The following OSBPL5 variants were observed in gnomAD, a reference collection of about 807,000 sequenced individuals.
The protein encoded by OSBPL5 is oxysterol binding protein like 5.
In OSBPL5, 71 loss-of-function variants were observed where a neutral mutation model predicts 111.2. The observed-to-expected ratio is 0.64, with a 90% confidence interval of 0.53 to 0.78. OSBPL5 has a LOEUF of 0.78. OSBPL5 is among the 30% of genes least tolerant of loss of function. The pLI is 0.00. For missense variants in OSBPL5, 1,210 were observed against 1,189.3 expected, an observed-to-expected ratio of 1.02 and a Z score of -0.26; for synonymous variants, 549 against 513.9, an observed-to-expected ratio of 1.07 and a Z score of -0.93.
rs769383518 is a variant in OSBPL5 at position 3,142,607 on chromosome 11, C to A, written c.-21-13438G>T. Among the ~76,000 whole-genome samples, 5 of 152,236 alleles carry A rather than the reference C, an allele frequency of 3.3e-5. No individual in the cohort carries two copies. Among genetic ancestry groups the A allele is most frequent in the Non-Finnish European group, 7.3e-5 (5 of 68,048 alleles). ...CCTACAGGTCTGAGAGTCACCGTCT[C>A]GCGGGTGGAGAGCCTGGGTGGTGCG... On this transcript the variant is annotated intron_variant, in intron 1 of 21. Transcript: ENST00000263650. This position sits in a 1 kb window ranked among gnomAD's most constrained non-coding sequence, Gnocchi z 7.1.
intron 13 of OSBPL5, among the ~76,000 whole-genome samples, chr11:3,101,254 C>T (rs1857444903): frequency 1.6e-5 from 2 of 127,158 alleles, no homozygotes; most frequent in East Asian, 2.4e-4. Context: ...GGATTACAGG[C>T]GTGAGCCACC....
rs1296811171 is a variant in OSBPL5, at chr11:3,105,182, A to T, written c.1060-805T>A. Among the ~76,000 whole-genome samples, 2 of 152,180 alleles carry T rather than the reference A, an allele frequency of 1.3e-5. No homozygotes were observed. The highest frequency in any genetic ancestry group is 2.9e-5 in the Non-Finnish European group (2 of 68,022). On this transcript the variant is annotated intron_variant, in intron 9 of 21. Transcript: ENST00000263650. This position sits in a 1 kb window ranked among gnomAD's most constrained non-coding sequence, Gnocchi z 5.2. ...ACTTGTCCAAGGTCACACGGCTGCTATGCGGCAGAGGTCAGATCTGAACTC... is the reference window on the plus strand; with the variant it reads ...ACTTGTCCAAGGTCACACGGCTGCTTTGCGGCAGAGGTCAGATCTGAACTC...
intron 7 of OSBPL5, among the ~76,000 whole-genome samples, chr11:3,116,243 G>A (rs1858203883): frequency 6.6e-6 from 1 of 152,140 alleles, no homozygotes; most frequent in African/African-American, 2.4e-5. Flanking sequence ...TACATTATCA[G>A]TAATGATTAT....
rs1054406616 is a variant in OSBPL5, at chr11:3,109,703, A to G, written c.692-1758T>C. ...GCCAGAGCGGCCAAGCCTGGGCGGA[A>G]CACCAGGGTTGGGGGAGGGATGGCA... is the stretch of plus-strand genomic sequence containing the variant. On this transcript the variant is annotated intron_variant, in intron 7 of 21. Coordinates refer to ENST00000263650, the MANE Select transcript of OSBPL5 (RefSeq NM_020896.4). The surrounding 1 kb of genome is among the most constrained non-coding windows in gnomAD (Gnocchi z 7.4). Among the ~76,000 whole-genome samples, 25 of 151,942 alleles carry G rather than the reference A, an allele frequency of 1.6e-4. No homozygotes were observed. Among genetic ancestry groups the G allele is most frequent in the African/African-American group, 5.3e-4 (22 of 41,378 alleles).
rs1353844090 is a variant in OSBPL5, at chr11:3,107,394, C to G, written c.928G>C (p.Glu310Gln). 2 of 1,614,084 alleles carry G rather than the reference C, an allele frequency of 1.2e-6. No homozygotes were observed. Among genetic ancestry groups the G allele is most frequent in the Non-Finnish European group, 8.5e-7 (1 of 1,180,008 alleles). Residue 310 changes from glutamate to glutamine, a missense_variant, in exon 9 of 22, where the codon GAG (glutamate) becomes CAG (glutamine). Coordinates refer to ENST00000263650, the MANE Select transcript of OSBPL5 (RefSeq NM_020896.4). This position sits in a 1 kb window ranked among gnomAD's most constrained non-coding sequence, Gnocchi z 6.1. Reference protein sequence around the residue: ...FSDKSERENPEESDTETQDHS... With the variant: ...FSDKSERENPQESDTETQDHS... Reference sequence around the variant, plus strand: ...TCCTGGGTCTCGGTATCTGACTCCTCAGGGTTCTCTCTCTCCGACTTGTCT... The same window carrying G: ...TCCTGGGTCTCGGTATCTGACTCCTGAGGGTTCTCTCTCTCCGACTTGTCT...
At chr11:3,103,070 C>G (rs192651176) in intron 11 of OSBPL5, among the ~76,000 whole-genome samples, 169 bp downstream of exon 11, 3 of 152,284 alleles carry the variant, frequency 2.0e-5, no homozygotes, top group African/African-American at 7.2e-5. Flanking sequence ...AAGTGGGGCC[C>G]TGTCCCCCAT....
intron 1 of OSBPL5, among the ~76,000 whole-genome samples, chr11:3,160,684 C>G (rs1489057885): frequency 1.5e-5 from 2 of 129,044 alleles, no homozygotes; most frequent in Admixed American, 1.5e-4. Context: ...CCCCCCCCCA[C>G]CCCGCCCCCA....
rs1238011438 is a variant in OSBPL5 at position 3,107,005 on chromosome 11, G to A, written c.1059+258C>T. Among the ~76,000 whole-genome samples, 3 of 152,186 alleles carry A rather than the reference G, an allele frequency of 2.0e-5. No homozygotes were observed. On this transcript the variant is annotated intron_variant, in intron 9 of 21. Transcript: ENST00000263650. This position sits in a 1 kb window ranked among gnomAD's most constrained non-coding sequence, Gnocchi z 6.1. ...TTCCAGCCCAAGGAGGGAGTTGCCTGTCTGCAGCAAACCCCTGCCCGATCC... is the reference window on the plus strand; with the variant it reads ...TTCCAGCCCAAGGAGGGAGTTGCCTATCTGCAGCAAACCCCTGCCCGATCC...
At chr11:3,116,433 T>C (rs1246302956) in intron 7 of OSBPL5, among the ~76,000 whole-genome samples, 3 of 152,218 alleles carry the variant, frequency 2.0e-5, no homozygotes, top group African/African-American at 7.2e-5. Context: ...TCTTGAATGC[T>C]GGTTTCTGAT....
Position 3,122,003 on chromosome 11 carries a change from G to T in OSBPL5, c.396C>A (p.Ser132Arg). 1 of 1,565,888 alleles carries T rather than the reference G, an allele frequency of 6.4e-7. No individual in the cohort carries two copies. The highest frequency in any genetic ancestry group is 8.6e-7 in the Non-Finnish European group (1 of 1,159,778). The change falls in exon 5 of 22, where the codon AGC (serine) becomes AGA (arginine). Residue 132 changes from serine (S) to arginine (R), a missense_variant. Physicochemically the swap from Ser to Arg is moderately radical, Grantham distance 110. Transcript: ENST00000263650. ...GAGGCCGGGCATCACCTACCTTCAG[G>T]CTGTCAGCCATGATGACCACGCTGG... Reference protein sequence around the residue: ...TDPSVVIMADSLKIRGTLKSW... With the variant: ...TDPSVVIMADRLKIRGTLKSW...
chr11:3,149,979 CAT>C (rs1846520297), intron 1 of OSBPL5, among the ~76,000 whole-genome samples: 1 of 152,212 alleles, frequency 6.6e-6, no homozygotes, highest in African/African-American at 2.4e-5. Flanking sequence ...GGCACACACA[CAT>C]ACACATGTGC....
chr11:3,094,608 C>A (rs2134389916), intron 14 of OSBPL5: 1 of 454,462 alleles, frequency 2.2e-6, no homozygotes, highest in Non-Finnish European at 4.0e-6. Context: ...CAGGGGCCGT[C>A]TCCCCCACTA....
At chr11:3,163,273 G>A (rs917596286) in intron 1 of OSBPL5, among the ~76,000 whole-genome samples, 10 of 152,198 alleles carry the variant, frequency 6.6e-5, no homozygotes, top group Admixed American at 5.9e-4. Flanking sequence ...TTTTCCACCT[G>A]CACACTGTGC....
In OSBPL5 at chr11:3,088,109, T is replaced by G. The variant is rs1190858354; in HGVS notation, c.*96A>C. 12 of 1,220,218 alleles carry G rather than the reference T, an allele frequency of 9.8e-6. No homozygotes were observed. Among genetic ancestry groups the G allele is most frequent in the African/African-American group, 1.5e-5 (1 of 64,638 alleles). The allele number at this position is 1,220,218 out of a possible 1,614,324, so 75.6% of individuals were successfully genotyped here. On this transcript the variant is annotated 3_prime_UTR_variant, in exon 22 of 22. Coordinates refer to ENST00000263650, the MANE Select transcript of OSBPL5 (RefSeq NM_020896.4). ...GGACTCCCCGTCACAGTGGCTGTGC[T>G]TGCCGGGCCTCTCTGCCTCCATGGA...
chr11:3,144,577 A>C (rs1386002098), intron 1 of OSBPL5, among the ~76,000 whole-genome samples: 2 of 152,196 alleles, frequency 1.3e-5, no homozygotes, highest in Non-Finnish European at 2.9e-5. Flanking sequence ...CTGAGACAGC[A>C]GACACCGGCC....
chr11:3,143,437 G>A (rs1245513430), intron 1 of OSBPL5, among the ~76,000 whole-genome samples: 1 of 152,232 alleles, frequency 6.6e-6, no homozygotes, highest in Non-Finnish European at 1.5e-5. Context: ...GGCCATCAGA[G>A]AGCGGACACA....
rs145223061 is a variant in OSBPL5, at chr11:3,150,742, G to A, written c.-22+14474C>T. 7.8e-3 allele frequency among the ~76,000 whole-genome samples: 1,188 copies of A among 152,138 alleles called. 14 individuals are homozygous for A. Among genetic ancestry groups the A allele is most frequent in the Non-Finnish European group, 0.013 (875 of 67,976 alleles). ...GTCCCAGGCAGCTCCTGGTTTCTTG[G>A]AAAGCCTCACTATTCTCATCTGTGA... On this transcript the variant is annotated intron_variant, in intron 1 of 21. Transcript: ENST00000263650.
At chr11:3,151,975 T>C (rs1846606797) in intron 1 of OSBPL5, among the ~76,000 whole-genome samples, 1 of 152,248 alleles carries the variant, frequency 6.6e-6, no homozygotes, top group Non-Finnish European at 1.5e-5. Context: ...AGTGTGCACG[T>C]CACCGAGGCT....
rs891177812 is a variant in OSBPL5 at position 3,121,926 on chromosome 11, T to C, written c.402+71A>G. 7.3e-6 allele frequency: 10 copies of C among 1,376,430 alleles called. No homozygotes were observed. The African/African-American group carries it at 1.4e-4, about 20-fold the overall frequency. 85.3% of individuals were successfully genotyped at this position (1,376,430 alleles called of 1,614,324 possible). On this transcript the variant is annotated intron_variant, in intron 5 of 21. Transcript: ENST00000263650. The surrounding 1 kb of genome is among the most constrained non-coding windows in gnomAD (Gnocchi z 4.3). Reference sequence around the variant, plus strand: ...TTTCCATCGTTTCAGGCCACCTGGTTTATGGTCCTTTGTTATGGCAGCAGC... The same window carrying C: ...TTTCCATCGTTTCAGGCCACCTGGTCTATGGTCCTTTGTTATGGCAGCAGC...
Sources: gnomAD v4.1 joint callset for allele counts (sites outside exome capture counted in the v4.1 genomes callset) on GRCh38, gnomAD v4.1.1 for gene constraint, Gnocchi (gnomAD v3.1) non-coding constraint, MANE v1.5 for transcripts, NCBI Gene and HGNC (gene_info 2026-07-23, HGNC 2026-07-21) for gene names.